The following DDX21 variants were observed in gnomAD, a reference collection of about 807,000 sequenced individuals.
DDX21 encodes the protein DExD-box helicase 21, also known as nucleolar RNA helicase 2.
A neutral mutation model predicts 90.0 loss-of-function variants in DDX21; 18 were observed. The ratio of observed to expected loss-of-function variants is 0.20; its 90% confidence interval spans 0.14 to 0.30. DDX21 has a LOEUF of 0.30. Among genes scored for constraint, DDX21 ranks in the 10% least tolerant of loss-of-function variants. The pLI is 1.00. For missense variants in DDX21, 673 were observed against 944.5 expected (o/e 0.71, Z 3.77); for synonymous variants, 294 against 318.0 (o/e 0.92, Z 0.80).
intron 13 of DDX21, among the ~76,000 whole-genome samples, chr10:68,980,133 A>T (rs886592400): frequency 3.9e-5 from 6 of 152,124 alleles, no homozygotes; most frequent in Middle Eastern, 3.2e-3. Context: ...CCAGCTACTC[A>T]GGAGGCTGAG....
intron 14 of DDX21, among the ~76,000 whole-genome samples, chr10:68,981,869 G>A (rs140112236): frequency 0.013 from 1,949 of 151,848 alleles, 35 homozygotes; most frequent in African/African-American, 0.044. Flanking sequence ...GTGTGTGTGT[G>A]TGTGCATGTG....
chr10:68,956,552 G>T (rs1842797711), intron 1 of DDX21: 2 of 1,361,232 alleles, frequency 1.5e-6, no homozygotes, highest in Non-Finnish European at 9.5e-7. Flanking sequence ...GAGCTTATAG[G>T]CATCCACAGG....
intron 1 of DDX21, 76 bp downstream of exon 1, chr10:68,956,388 C>T: frequency 1.3e-6 from 2 of 1,591,406 alleles, no homozygotes; most frequent in African/African-American, 2.7e-5. Context: ...AGTGCCCGGG[C>T]TGGGATCGTG....
intron 4 of DDX21, among the ~76,000 whole-genome samples, chr10:68,964,662 T>TC (rs71031815): frequency 1.1e-4 from 1 of 8,892 alleles, no homozygotes; most frequent in Non-Finnish European, 7.1e-4. Flanking sequence ...GCACCTGGAC[T>TC]TTTTTTTTTT....
intron 13 of DDX21, among the ~76,000 whole-genome samples, chr10:68,979,543 T>A (rs1410416511): frequency 1.3e-5 from 2 of 152,222 alleles, no homozygotes; most frequent in Non-Finnish European, 2.9e-5. Context: ...GTTCCATTAG[T>A]CATCAGAGCA....
intron 6 of DDX21, 55 bp downstream of exon 6, chr10:68,967,258 C>T (rs1842952098): frequency 6.5e-7 from 1 of 1,549,148 alleles, no homozygotes; most frequent in Admixed American, 1.8e-5. Context: ...GGTGGTAACT[C>T]TGTCTCCTGG....
chr10:68,967,260 G>A, intron 6 of DDX21, 57 bp downstream of exon 6: 1 of 1,535,584 alleles, frequency 6.5e-7, no homozygotes, highest in Non-Finnish European at 8.8e-7. Flanking sequence ...TGGTAACTCT[G>A]TCTCCTGGGT....
intron 10 of DDX21, 86 bp from the exon 11 acceptor site, chr10:68,974,584 C>T: frequency 1.9e-6 from 2 of 1,029,122 alleles, no homozygotes; most frequent in Non-Finnish European, 3.0e-6. Flanking sequence ...TACATTTGGC[C>T]TATATTAAAA....
Position 68,974,712 on chromosome 10 carries a change from A to G in DDX21, c.1711A>G (p.Ile571Val). The change falls in exon 11 of 15, where the codon ATA becomes GTA. Residue 571 changes from isoleucine to valine, a missense_variant. Transcript: ENST00000354185. ...KRIGVPSATE[I>V]IKASSKDAIR... Reference sequence around the variant, plus strand: ...AATAGGTGTTCCTTCTGCAACAGAAATAATAAAAGCTTCCAGCAAAGATGC... The same window carrying G: ...AATAGGTGTTCCTTCTGCAACAGAAGTAATAAAAGCTTCCAGCAAAGATGC... 1.2e-6 allele frequency: 2 copies of G among 1,614,136 alleles called. No individual in the cohort carries two copies. Among genetic ancestry groups the G allele is most frequent in the Non-Finnish European group, 1.7e-6 (2 of 1,179,982 alleles).
At position 68,977,532 on chromosome 10, in the gene DDX21, T is replaced by G. The variant is rs1843119558; in HGVS notation, c.1746T>G (p.Leu582=). The G allele has an allele frequency of 6.2e-7, 1 of 1,607,340 alleles. No homozygotes were observed. Among genetic ancestry groups the G allele is most frequent in the Non-Finnish European group, 8.5e-7 (1 of 1,175,452 alleles). The change falls in exon 12 of 15, where the codon CTT becomes CTG. Residue 582 remains leucine, a synonymous_variant. Transcript: ENST00000354185. ...IKASSKDAIR[L]LDSVPPTAIS... The stretch of plus-strand genomic sequence containing the variant: ...CTAACACACTCTCAAACAACAGGCT[T>G]TTGGATTCCGTGCCTCCCACTGCCA...
Position 68,974,753 on chromosome 10 carries a change from C to T in DDX21, c.1742+10C>T. The T allele has an allele frequency of 6.2e-7, 1 of 1,607,400 alleles. No homozygotes were observed. The highest frequency in any genetic ancestry group is 1.7e-5 in the Admixed American group (1 of 59,996). Reference sequence around the variant, plus strand: ...GCAAAGATGCCATCAGGTATGTTCCCTACCACTGCTATGGTCTGTTTTAGT... The same window carrying T: ...GCAAAGATGCCATCAGGTATGTTCCTTACCACTGCTATGGTCTGTTTTAGT... On this transcript the variant is annotated intron_variant, in intron 11 of 14. Coordinates refer to ENST00000354185, the MANE Select transcript of DDX21 (RefSeq NM_004728.4).
intron 2 of DDX21, among the ~76,000 whole-genome samples, chr10:68,960,614 A>G (rs2132079354): frequency 6.6e-6 from 1 of 152,086 alleles, no homozygotes; most frequent in Non-Finnish European, 1.5e-5. Context: ...GGTGTGTGCT[A>G]TCACGCCTGG....
intron 9 of DDX21, among the ~76,000 whole-genome samples, chr10:68,973,126 C>T (rs563930094): frequency 2.0e-5 from 3 of 151,760 alleles, no homozygotes; most frequent in African/African-American, 4.8e-5. Context: ...ACCCGGTAGG[C>T]GGAGGTTGCA....
At chr10:68,973,446 T>C in intron 9 of DDX21, 99 bp from the exon 10 acceptor site, 1 of 1,485,604 alleles carries the variant, frequency 6.7e-7, no homozygotes, top group Non-Finnish European at 9.3e-7. Context: ...TCCCCAGGTT[T>C]ATAACCACAA....
chr10:68,968,895 T>C (rs1842980323), intron 6 of DDX21, 81 bp from the exon 7 acceptor site: 2 of 1,492,192 alleles, frequency 1.3e-6, no homozygotes, highest in Non-Finnish European at 1.8e-6. Flanking sequence ...TGATGGACTG[T>C]GGAAGTATTA....
At chr10:68,970,177 A>T in intron 7 of DDX21, 24 bp from the exon 8 acceptor site, 3 of 1,593,404 alleles carry the variant, frequency 1.9e-6, no homozygotes, top group South Asian at 1.1e-5. Context: ...TACTAAATAG[A>T]TGTTTTTTTT....
chr10:68,959,408 A>T (rs1012148899), intron 1 of DDX21, among the ~76,000 whole-genome samples: 7 of 152,204 alleles, frequency 4.6e-5, no homozygotes, highest in African/African-American at 1.4e-4. Flanking sequence ...GCATGAGAAT[A>T]ACTTGAACTC....
In DDX21 at chr10:68,974,748, G is replaced by GTTCCCTACC; in HGVS notation, c.1742+6_1742+14dup. 2 of 1,610,644 alleles carry GTTCCCTACC rather than the reference G, an allele frequency of 1.2e-6. No individual in the cohort carries two copies. The highest frequency in any genetic ancestry group is 1.7e-6 in the Non-Finnish European group (2 of 1,176,950). The stretch of plus-strand genomic sequence containing the variant: ...TTCCAGCAAAGATGCCATCAGGTAT[G>GTTCCCTACC]TTCCCTACCACTGCTATGGTCTGTT... On this transcript the variant is annotated splice_donor_region_variant and intron_variant, in intron 11 of 14. Coordinates refer to ENST00000354185, the MANE Select transcript of DDX21 (RefSeq NM_004728.4).
intron 6 of DDX21, among the ~76,000 whole-genome samples, chr10:68,967,461 G>T (rs1460246601): frequency 6.6e-6 from 1 of 152,084 alleles, no homozygotes; most frequent in Non-Finnish European, 1.5e-5. Context: ...GAGCCACTGC[G>T]CCTGGCCTGG....
Sources: gnomAD v4.1 joint callset for allele counts (sites outside exome capture counted in the v4.1 genomes callset) on GRCh38, gnomAD v4.1.1 for gene constraint, MANE v1.5 for transcripts, NCBI Gene and HGNC (gene_info 2026-07-23, HGNC 2026-07-21) for gene names.